DPH6: variants seen among roughly 807,000 people sequenced by gnomAD.
DPH6 encodes diphthamine biosynthesis 6.
In DPH6, 33 loss-of-function variants were observed where a neutral mutation model predicts 38.2. The ratio of observed to expected loss-of-function variants is 0.86; its 90% CI spans 0.65 to 1.15. The LOEUF is 1.15. Ranked by LOEUF, DPH6 falls within the 50% of genes most tolerant of loss-of-function variation. DPH6 has a pLI of 0.00. For synonymous variants in DPH6, 108 were observed against 103.0 expected, an observed-to-expected ratio of 1.05 and a Z score of -0.30; for missense variants, 325 against 320.0, an observed-to-expected ratio of 1.02 and a Z score of -0.12.
At chr15:35,186,956 C>A in the DPH6 span, among the ~76,000 whole-genome samples, 3 of 152,126 alleles carry the variant, frequency 2.0e-5, no homozygotes, top group East Asian at 5.8e-4. Flanking sequence ...GATTTAATCA[C>A]TTCTATTACA....
intron 3 of DPH6, among the ~76,000 whole-genome samples, chr15:35,483,799 A>C (rs2054360853): frequency 6.6e-6 from 1 of 152,248 alleles, no homozygotes; most frequent in East Asian, 1.9e-4. Context: ...TTTTCGATTA[A>C]TTTGTGAATA....
At chr15:35,521,800 T>G in intron 3 of DPH6, 2 of 1,240,506 alleles carry the variant, frequency 1.6e-6, no homozygotes, top group Non-Finnish European at 2.0e-6. Context: ...AGCATTTTAC[T>G]TAACTACATT....
intron 3 of DPH6, among the ~76,000 whole-genome samples, chr15:35,478,817 A>G (rs1455933159): frequency 6.6e-6 from 1 of 152,056 alleles, no homozygotes; most frequent in Non-Finnish European, 1.5e-5. Context: ...AGAAGCTCCT[A>G]CAATTATTAG....
At chr15:35,190,663 C>A in the DPH6 span, among the ~76,000 whole-genome samples, 1 of 152,182 alleles carries the variant, frequency 6.6e-6, no homozygotes, top group Non-Finnish European at 1.5e-5. Context: ...AGTCTTGTAG[C>A]TAAATTGTTG....
intron 3 of DPH6, among the ~76,000 whole-genome samples, chr15:35,497,480 C>A (rs902181204): frequency 1.3e-5 from 2 of 152,158 alleles, no homozygotes; most frequent in South Asian, 2.1e-4. Flanking sequence ...CAACAAGTTT[C>A]CTTGCCCTAA....
exon 4 of DPH6, chr15:35,219,583 G>A (rs982870408): frequency 3.3e-5 from 5 of 152,008 alleles, no homozygotes; most frequent in Admixed American, 6.6e-5. Context: ...CAGAGCAAAC[G>A]TTCTGTGTAT....
intron 3 of DPH6, among the ~76,000 whole-genome samples, chr15:35,456,506 G>C (rs1351747346): frequency 7.2e-6 from 1 of 139,780 alleles, no homozygotes; most frequent in Non-Finnish European, 1.5e-5. Flanking sequence ...TTTTTTTTTT[G>C]AGATGGAGTC....
At chr15:35,383,629 T>C (rs16960839) in intron 6 of DPH6, among the ~76,000 whole-genome samples, 40,832 of 152,130 alleles carry the variant, frequency 0.27, 5,707 homozygotes, top group South Asian at 0.38. Context: ...TCACCAGTAT[T>C]GACACATAGG....
chr15:35,335,231 C>G (rs1299616538), intron 3 of DPH6, among the ~76,000 whole-genome samples: 1 of 152,074 alleles, frequency 6.6e-6, no homozygotes, highest in Non-Finnish European at 1.5e-5. Context: ...ATGTCCTTTG[C>G]CCACTTTTTA....
At chr15:35,532,949 C>CA (rs1380209593) in intron 3 of DPH6, among the ~76,000 whole-genome samples, 2 of 151,528 alleles carry the variant, frequency 1.3e-5, no homozygotes, top group Middle Eastern at 3.4e-3. Context: ...ACTAAAAAGA[C>CA]AAAAAAAATT....
At chr15:35,447,938 A>C (rs2053877656) in intron 5 of DPH6, among the ~76,000 whole-genome samples, 1 of 152,204 alleles carries the variant, frequency 6.6e-6, no homozygotes, top group African/African-American at 2.4e-5. Context: ...AGTCAATGTT[A>C]CTACACCATC....
intron 5 of DPH6, among the ~76,000 whole-genome samples, chr15:35,435,011 C>A (rs2053679245): frequency 1.3e-5 from 2 of 151,534 alleles, no homozygotes. Context: ...TAAGCTCAAG[C>A]CATTTGCCCA....
chr15:35,227,208 G>A (rs2051488301), intron 3 of DPH6, among the ~76,000 whole-genome samples: 1 of 115,094 alleles, frequency 8.7e-6, no homozygotes, highest in South Asian at 2.9e-4. Flanking sequence ...TTTTGAGATG[G>A]AGTCTTGCTC....
At chr15:35,298,677 G>C (rs1299968142) in intron 3 of DPH6, 14 of 1,531,778 alleles carry the variant, frequency 9.1e-6, no homozygotes, top group Non-Finnish European at 1.3e-5. Flanking sequence ...CTCAGCCCCT[G>C]CTCATGCTTC....
chr15:35,390,561 A>C (rs979108582), intron 6 of DPH6, among the ~76,000 whole-genome samples: 6 of 151,908 alleles, frequency 3.9e-5, no homozygotes, highest in African/African-American at 1.2e-4. Context: ...TTTTTTCTCT[A>C]AACTTCTCTT....
chr15:35,538,458 T>G lies in DPH6; in HGVS notation c.128A>C (p.Asp43Ala), dbSNP rs1444182293. ...LRPAENQVGS[D>A]ELDSYMYQTV... ...CTGATACATGTAGCTATCCAGTTCA[T>G]CAGACCCCACTGCAACAATTAAAAT... Residue 43 changes from aspartate to alanine, a missense_variant, in exon 3 of 9, where the codon GAT (aspartate) becomes GCT (alanine). Coordinates refer to ENST00000256538, the MANE Select transcript of DPH6 (RefSeq NM_080650.4). 1 of 1,539,070 alleles carries G rather than the reference T, an allele frequency of 6.5e-7. No individual in the cohort carries two copies. The highest frequency in any genetic ancestry group is 1.7e-5 in the Admixed American group (1 of 57,778).
At chr15:35,274,076 T>C (rs2051841042) in intron 3 of DPH6, among the ~76,000 whole-genome samples, 1 of 152,062 alleles carries the variant, frequency 6.6e-6, no homozygotes, top group Non-Finnish European at 1.5e-5. Context: ...TGGAACCGAA[T>C]AGAGACCTCA....
chr15:35,325,839 T>C (rs1443083187), downstream of DPH6, among the ~76,000 whole-genome samples: 1 of 152,048 alleles, frequency 6.6e-6, no homozygotes, highest in Non-Finnish European at 1.5e-5. Flanking sequence ...TTTGACAAAG[T>C]TCTCATATCT....
At chr15:35,177,600 A>ATC in the DPH6 span, among the ~76,000 whole-genome samples, 25 of 134,468 alleles carry the variant, frequency 1.9e-4, no homozygotes, top group African/African-American at 5.8e-4. Flanking sequence ...AAAAAAAAAA[A>ATC]ATCATCATCA....
Sources: gnomAD v4.1 joint callset for allele counts (sites outside exome capture counted in the v4.1 genomes callset) on GRCh38, gnomAD v4.1.1 for gene constraint, MANE v1.5 for transcripts, NCBI Gene and HGNC (gene_info 2026-07-23, HGNC 2026-07-21) for gene names.